The following TMEM145 variants were observed in gnomAD, a reference collection of about 807,000 sequenced individuals.
TMEM145 encodes transmembrane protein 145.
Under a neutral mutation model 68.5 loss-of-function variants are expected in TMEM145, and 46 were observed. The observed-to-expected ratio is 0.67, with a 90% CI of 0.53 to 0.86. TMEM145 has a LOEUF of 0.86. Among genes scored for constraint, TMEM145 ranks in the 40% least tolerant of loss-of-function variants. TMEM145 has a pLI of 0.00. For missense variants in TMEM145, 570 were observed against 645.8 expected, an observed-to-expected ratio of 0.88 and a Z score of 1.27; for synonymous variants, 255 against 280.2, an observed-to-expected ratio of 0.91 and a Z score of 0.90.
At chr19:42,319,249 G>C (rs556521865) in intron 12 of TMEM145, among the ~76,000 whole-genome samples, 1 of 152,144 alleles carries the variant, frequency 6.6e-6, no homozygotes, top group East Asian at 1.9e-4. Flanking sequence ...GACCTCAGAC[G>C]AGCCCATTAA....
At chr19:42,324,087 C>T (rs527923028) in intron 14 of TMEM145, among the ~76,000 whole-genome samples, 173 of 152,104 alleles carry the variant, frequency 1.1e-3, no homozygotes, top group Non-Finnish European at 2.2e-3. Context: ...GTTCGCCCCG[C>T]GCGCCCCGAC....
In TMEM145 at chr19:42,314,684, C is replaced by G; in HGVS notation, c.345C>G (p.Ala115=). The G allele has an allele frequency of 6.2e-7, 1 of 1,614,202 alleles. No homozygotes were observed. The highest frequency in any genetic ancestry group is 8.5e-7 in the Non-Finnish European group (1 of 1,180,030). Residue 115 remains alanine, a synonymous_variant, in exon 4 of 15, where the codon GCC becomes GCG. Coordinates refer to ENST00000301204, the MANE Select transcript of TMEM145 (RefSeq NM_173633.3). ...TCATCAACCTCACCACCCAGTATGC[C>G]TGGTCCGGCTGTCAGGTGCAGGCTC... ...NQVINLTTQY[A]WSGCQVVSEE...
At chr19:42,316,238 G>T (rs1285045203) in intron 8 of TMEM145, among the ~76,000 whole-genome samples, 2 of 149,230 alleles carry the variant, frequency 1.3e-5, no homozygotes, top group Admixed American at 1.3e-4. Context: ...TCTGAGGGGG[G>T]AGGGGGTGAG....
Position 42,315,214 on chromosome 19 carries a change from CTCCTCATCTTCA to C in TMEM145, c.544_555del (p.Ile182_Phe185del), listed in dbSNP as rs2038843910. On this transcript the variant is annotated inframe_deletion, in exon 7 of 15. Coordinates refer to ENST00000301204, the MANE Select transcript of TMEM145 (RefSeq NM_173633.3). The stretch of plus-strand genomic sequence containing the variant: ...GATCCTGGAGACAGATGTGACCTTC[CTCCTCATCTTCA>C]TCCTCATCTTCTTCCTCTCTTGTTA... The C allele has an allele frequency of 1.2e-6, 2 of 1,607,938 alleles. No individual in the cohort carries two copies. Among genetic ancestry groups the C allele is most frequent in the Non-Finnish European group, 1.7e-6 (2 of 1,175,938 alleles).
Position 42,313,621 on chromosome 19 carries a change from T to A in TMEM145, c.120+125T>A. 1.4e-6 allele frequency: 1 copy of A among 732,688 alleles called. No homozygotes were observed. 45.4% of individuals were successfully genotyped at this position (732,688 alleles called of 1,614,324 possible). A position where few individuals can be genotyped will look rare whatever the true frequency, so the allele number is the denominator to read the frequency against. On this transcript the variant is annotated intron_variant, in intron 1 of 14. Transcript: ENST00000301204. This position sits in a 1 kb window ranked among gnomAD's most constrained non-coding sequence, Gnocchi z 5.1. ...GCGGACTCCGGGAGCCTCGGGGGAG[T>A]GGGGCCGAGGGCGATGGGGGACTGG...
At chr19:42,321,053 A>C in intron 13 of TMEM145, 1 of 396,762 alleles carries the variant, frequency 2.5e-6, no homozygotes, top group Non-Finnish European at 4.4e-6. Flanking sequence ...AGATTCTTCC[A>C]TTTCTCTTTT....
chr19:42,318,056 A>G (rs1341733120), intron 12 of TMEM145, among the ~76,000 whole-genome samples, 175 bp downstream of exon 12: 2 of 152,192 alleles, frequency 1.3e-5, no homozygotes, highest in South Asian at 2.1e-4. Flanking sequence ...CAAGAAGTGC[A>G]TCAGGTTTAC....
intron 12 of TMEM145, 24 bp downstream of exon 12, chr19:42,317,905 T>A (rs749474840): frequency 2.9e-5 from 47 of 1,612,630 alleles, no homozygotes; most frequent in Non-Finnish European, 4.0e-5. Context: ...GGCCCCAGCC[T>A]GTCCCTGCCT....
chr19:42,324,650 G>T, intron 14 of TMEM145, 87 bp from the exon 15 acceptor site: 15 of 862,138 alleles, frequency 1.7e-5, no homozygotes, highest in Non-Finnish European at 1.9e-5. Flanking sequence ...CACCCCGCGC[G>T]CCCAGGTTGG....
At chr19:42,318,017 C>CT in intron 12 of TMEM145, 136 bp downstream of exon 12, 2 of 963,282 alleles carry the variant, frequency 2.1e-6, no homozygotes, top group Admixed American at 5.0e-5. Context: ...GAATCTGCCA[C>CT]TTACTCACTT....
At chr19:42,318,377 A>AG (rs1487611096) in intron 12 of TMEM145, among the ~76,000 whole-genome samples, 1 of 149,410 alleles carries the variant, frequency 6.7e-6, no homozygotes, top group Non-Finnish European at 1.5e-5. Context: ...CAAAAAAAAA[A>AG]AAAAAAAACC....
In TMEM145 at chr19:42,317,757, T is replaced by C; in HGVS notation, c.949T>C (p.Tyr317His). The C allele has an allele frequency of 6.2e-7, 1 of 1,614,216 alleles. No homozygotes were observed. Among genetic ancestry groups the C allele is most frequent in the Non-Finnish European group, 8.5e-7 (1 of 1,180,036 alleles). Residue 317 changes from tyrosine (Y) to histidine (H), a missense_variant, in exon 12 of 15, where the codon TAC becomes CAC. Coordinates refer to ENST00000301204, the MANE Select transcript of TMEM145 (RefSeq NM_173633.3). ...VLYTYESPAG[Y>H]GLIGLQVAAY... ...GTACACGTATGAGTCGCCGGCCGGCTACGGGCTCATTGGACTGCAGGTGGC... is the reference window on the plus strand; with the variant it reads ...GTACACGTATGAGTCGCCGGCCGGCCACGGGCTCATTGGACTGCAGGTGGC...
chr19:42,313,987 C>T lies in TMEM145; in HGVS notation c.121-285C>T, dbSNP rs1157729465. Among the ~76,000 whole-genome samples the T allele has an allele frequency of 6.6e-6, 1 of 151,882 alleles. No individual in the cohort carries two copies. Among genetic ancestry groups the T allele is most frequent in the African/African-American group, 2.4e-5 (1 of 41,334 alleles). ...GACATGAGGTGGCCAGGATGAGCATCTGGCCCCTAAGGTCTTTCTCCCCAG... is the reference window on the plus strand; with the variant it reads ...GACATGAGGTGGCCAGGATGAGCATTTGGCCCCTAAGGTCTTTCTCCCCAG... On this transcript the variant is annotated intron_variant, in intron 1 of 14. Transcript: ENST00000301204. The surrounding 1 kb of genome is among the most constrained non-coding windows in gnomAD (Gnocchi z 5.1).
Position 42,320,456 on chromosome 19 carries a change from G to C in TMEM145, c.1194+19G>C, listed in dbSNP as rs200550655. The stretch of plus-strand genomic sequence containing the variant: ...GTTTCTGGTGAGGATGGGCATCTGT[G>C]GGGGGTGGAGGGGAGGACCCGAGGG... On this transcript the variant is annotated intron_variant, in intron 13 of 14. Coordinates refer to ENST00000301204, the MANE Select transcript of TMEM145 (RefSeq NM_173633.3). 8.8e-4 allele frequency: 1,422 copies of C among 1,612,952 alleles called. 2 individuals carry two copies. Among genetic ancestry groups the C allele is most frequent in the Middle Eastern group, 1.7e-3 (10 of 6,052 alleles).
intron 11 of TMEM145, among the ~76,000 whole-genome samples, chr19:42,317,272 C>T (rs975482571): frequency 6.6e-6 from 1 of 152,218 alleles, no homozygotes; most frequent in African/African-American, 2.4e-5. Context: ...AGCTGCCTGA[C>T]CTTGGGTGAC....
At position 42,313,448 on chromosome 19, in the gene TMEM145, C is replaced by G; in HGVS notation, c.72C>G (p.Pro24=). Residue 24 remains proline, a synonymous_variant, in exon 1 of 15, where the codon CCC becomes CCG. Transcript: ENST00000301204. The surrounding 1 kb of genome is among the most constrained non-coding windows in gnomAD (Gnocchi z 5.1). Reference sequence around the variant, plus strand: ...TGCTGCTCCTGCTGCTGTCACTGCCCCCCCGCGCCCGGGCCAAGTACGTGC... The same window carrying G: ...TGCTGCTCCTGCTGCTGTCACTGCCGCCCCGCGCCCGGGCCAAGTACGTGC... ...PPLLLLLLSL[P]PRARAKYVRG... 2 of 1,373,066 alleles carry G rather than the reference C, an allele frequency of 1.5e-6. No individual in the cohort carries two copies. The highest frequency in any genetic ancestry group is 1.9e-6 in the Non-Finnish European group (2 of 1,059,588). 85.1% of individuals were successfully genotyped at this position (1,373,066 alleles called of 1,614,324 possible). A position where few individuals can be genotyped will look rare whatever the true frequency, so the allele number is the denominator to read the frequency against.
At chr19:42,314,576 C>G in intron 3 of TMEM145, 37 bp from the exon 4 acceptor site, 2 of 1,614,126 alleles carry the variant, frequency 1.2e-6, no homozygotes, top group Non-Finnish European at 1.7e-6. Flanking sequence ...AAGGTCGTTG[C>G]TGGCCGGGGG....
chr19:42,315,428 G>T lies in TMEM145; in HGVS notation c.634G>T (p.Ala212Ser). The change falls in exon 8 of 15, where the codon GCA becomes TCA. Residue 212 changes from alanine to serine, a missense_variant. By Grantham distance (99) the Ala-to-Ser change is moderately conservative. Transcript: ENST00000301204. The stretch of plus-strand genomic sequence containing the variant: ...AACTTATAAAATGTTCATGGCCGCA[G>T]CAGGAGTAGAGGGTGAGGTTCCGTG... ...HTTYKMFMAA[A>S]GVEVLSLLFF... is the part of the protein sequence containing the mutation. The T allele has an allele frequency of 6.2e-7, 1 of 1,614,182 alleles. No homozygotes were observed. Among genetic ancestry groups the T allele is most frequent in the Non-Finnish European group, 8.5e-7 (1 of 1,180,024 alleles).
Position 42,324,238 on chromosome 19 carries a change from G to C in TMEM145, c.1401+449G>C, listed in dbSNP as rs1329594124. 6 of 983,510 alleles carry C rather than the reference G, an allele frequency of 6.1e-6. No individual in the cohort carries two copies. In the East Asian group the frequency reaches 4.5e-4, roughly 75 times the overall value. 60.9% of individuals were successfully genotyped at this position (983,510 alleles called of 1,614,324 possible). ...GCCTTCGGGGCCGCATCTGCCCCCC[G>C]AGGGTCCCGGACGGCCTCTGACCCT... On this transcript the variant is annotated intron_variant, in intron 14 of 14. Coordinates refer to ENST00000301204, the MANE Select transcript of TMEM145 (RefSeq NM_173633.3).
Sources: allele counts gnomAD v4.1 joint callset (sites outside exome capture counted in the v4.1 genomes callset), GRCh38; gene constraint gnomAD v4.1.1; non-coding constraint Gnocchi (gnomAD v3.1); transcripts MANE v1.5; gene names NCBI Gene and HGNC (gene_info 2026-07-23, HGNC 2026-07-21).